Variants in FAM13C observed in about 807,000 individuals in gnomAD.
FAM13C encodes protein FAM13C.
In FAM13C, 37 loss-of-function variants were observed where a neutral mutation model predicts 73.2. The observed-to-expected ratio is 0.51, with a 90% CI of 0.39 to 0.67. The LOEUF (loss-of-function observed/expected upper bound fraction) is 0.67. FAM13C is among the 30% of genes least tolerant of loss of function. FAM13C has a pLI of 0.00. For missense variants in FAM13C, 589 were observed against 715.6 expected (o/e 0.82, Z 2.02); for synonymous variants, 246 against 260.9 (o/e 0.94, Z 0.55).
chr10:59,323,901 TG>T, intron 4 of FAM13C, 86 bp downstream of exon 4: 2 of 1,145,572 alleles, frequency 1.7e-6, no homozygotes, highest in South Asian at 2.5e-5. Context: ...CAGAAAGCCT[TG>T]CCTCTTGTGT....
chr10:59,264,358 A>G (rs1412588168), intron 8 of FAM13C, among the ~76,000 whole-genome samples, 192 bp from the exon 9 acceptor site: 1 of 152,226 alleles, frequency 6.6e-6, no homozygotes, highest in Non-Finnish European at 1.5e-5. Context: ...AGTTACCTCT[A>G]GGAAACAGTA....
intron 5 of FAM13C, 32 bp from the exon 6 acceptor site, chr10:59,283,479 G>C (rs747373315): frequency 6.2e-7 from 1 of 1,607,488 alleles, no homozygotes; most frequent in African/African-American, 1.3e-5. Context: ...GCACAGATCA[G>C]ATTCGAGGGC....
At chr10:59,327,412 T>C (rs955083123) in intron 3 of FAM13C, among the ~76,000 whole-genome samples, 2 of 152,198 alleles carry the variant, frequency 1.3e-5, no homozygotes, top group Non-Finnish European at 2.9e-5. Context: ...TTTAGCCAGA[T>C]GCATGAGAAG....
At chr10:59,357,179 A>G (rs1165130414) in intron 1 of FAM13C, among the ~76,000 whole-genome samples, 1 of 152,124 alleles carries the variant, frequency 6.6e-6, no homozygotes, top group Non-Finnish European at 1.5e-5. Context: ...CTCTCCTACT[A>G]AACTCCCCTT....
chr10:59,291,902 C>T (rs918222885), intron 5 of FAM13C, among the ~76,000 whole-genome samples: 12 of 150,534 alleles, frequency 8.0e-5, no homozygotes, highest in African/African-American at 2.9e-4. Context: ...CATTCTCCTG[C>T]CTCAGCCTCC....
Position 59,352,326 on chromosome 10 carries a change from T to C in FAM13C, c.268A>G (p.Arg90Gly). 6.2e-7 allele frequency: 1 copy of C among 1,614,198 alleles called. No individual in the cohort carries two copies. Among genetic ancestry groups the C allele is most frequent in the Non-Finnish European group, 8.5e-7 (1 of 1,180,042 alleles). ...LRPSMGNFKS[R>G]KPKSIFKAES... ...GCTTTGAAGATGGACTTGGGCTTCCTGGACTTGAAGTTGCCCATGCTGGGT... is the reference window on the plus strand; with the variant it reads ...GCTTTGAAGATGGACTTGGGCTTCCCGGACTTGAAGTTGCCCATGCTGGGT... The change falls in exon 3 of 14, where the codon AGG becomes GGG. Residue 90 changes from arginine to glycine, a missense_variant. Arg to Gly is a moderately radical substitution (Grantham distance 125). Transcript: ENST00000618804.
At chr10:59,268,510 C>T (rs757897612) in intron 8 of FAM13C, 43 bp downstream of exon 8, 4 of 1,607,788 alleles carry the variant, frequency 2.5e-6, no homozygotes, top group Admixed American at 1.7e-5. Context: ...AATCCAGACA[C>T]CTCTGACCAA....
At chr10:59,266,026 T>C (rs1418166623) in intron 8 of FAM13C, among the ~76,000 whole-genome samples, 1 of 152,206 alleles carries the variant, frequency 6.6e-6, no homozygotes, top group African/African-American at 2.4e-5. Flanking sequence ...CTGCCAAAGA[T>C]GGTTCAAAAA....
intron 8 of FAM13C, among the ~76,000 whole-genome samples, chr10:59,265,427 A>G (rs2133503140): frequency 6.9e-6 from 1 of 144,862 alleles, no homozygotes; most frequent in East Asian, 2.1e-4. Flanking sequence ...ATGGTTTGCT[A>G]GAATGATGCA....
rs564638526 is a variant in FAM13C, at chr10:59,355,456, G to A, written c.119+431C>T. Among the ~76,000 whole-genome samples the A allele has an allele frequency of 3.9e-5, 6 of 152,292 alleles. No homozygotes were observed. In the East Asian group the frequency reaches 1.2e-3, roughly 29 times the overall value. ...TTCAGTTTAGATTAAATAATAAAAT[G>A]TAGATGAAAGGGCTTGGAACAAAGT... On this transcript the variant is annotated intron_variant, in intron 2 of 13. Transcript: ENST00000618804.
At chr10:59,316,818 C>T (rs548149897) in intron 4 of FAM13C, among the ~76,000 whole-genome samples, 2 of 152,072 alleles carry the variant, frequency 1.3e-5, no homozygotes, top group Non-Finnish European at 2.9e-5. Context: ...ACAGCCATTA[C>T]GTATGTTATA....
intron 3 of FAM13C, among the ~76,000 whole-genome samples, chr10:59,332,984 C>T (rs901611481): frequency 3.5e-5 from 4 of 115,216 alleles, no homozygotes; most frequent in African/African-American, 1.4e-4. Flanking sequence ...ATTGTTGTCA[C>T]TTATTTATTT....
At chr10:59,252,275 A>G (rs536949439) in intron 12 of FAM13C, among the ~76,000 whole-genome samples, 10 of 152,294 alleles carry the variant, frequency 6.6e-5, no homozygotes, top group African/African-American at 2.2e-4. Flanking sequence ...AGATTCTGTG[A>G]ACTTGAAATT....
At chr10:59,342,573 ACC>A (rs1853654229) in intron 3 of FAM13C, among the ~76,000 whole-genome samples, 1 of 152,180 alleles carries the variant, frequency 6.6e-6, no homozygotes, top group African/African-American at 2.4e-5. Flanking sequence ...ACGTAAGTAT[ACC>A]CCATGCAATA....
At chr10:59,349,974 C>T (rs1854816162) in intron 3 of FAM13C, among the ~76,000 whole-genome samples, 1 of 152,158 alleles carries the variant, frequency 6.6e-6, no homozygotes, top group Admixed American at 6.5e-5. Flanking sequence ...TCTCACTGAT[C>T]CCCAGAGTTC....
At chr10:59,349,961 G>A (rs1189691650) in intron 3 of FAM13C, among the ~76,000 whole-genome samples, 1 of 152,124 alleles carries the variant, frequency 6.6e-6, no homozygotes, top group Non-Finnish European at 1.5e-5. Context: ...AATGGCATCC[G>A]AGTCTCACTG....
intron 3 of FAM13C, among the ~76,000 whole-genome samples, chr10:59,330,107 A>G (rs1051053197): frequency 6.6e-6 from 1 of 152,196 alleles, no homozygotes; most frequent in East Asian, 1.9e-4. Flanking sequence ...ATAGGCCCAA[A>G]CAGCTTTGAT....
intron 8 of FAM13C, among the ~76,000 whole-genome samples, chr10:59,267,294 A>T (rs1175709861): frequency 6.6e-6 from 1 of 152,194 alleles, no homozygotes; most frequent in East Asian, 1.9e-4. Flanking sequence ...ACACTTAAAA[A>T]TTTTACTTCT....
chr10:59,362,699 G>T, upstream of FAM13C: 1 of 862,184 alleles, frequency 1.2e-6, no homozygotes, highest in South Asian at 2.0e-5. Context: ...GCGCGGCGGC[G>T]GGGCTGGGAC....
Sources: allele counts gnomAD v4.1 joint callset (sites outside exome capture counted in the v4.1 genomes callset), GRCh38; gene constraint gnomAD v4.1.1; transcripts MANE v1.5; gene names NCBI Gene and HGNC (gene_info 2026-07-23, HGNC 2026-07-21).